STAC: variants seen among roughly 807,000 people sequenced by gnomAD.
STAC encodes the protein SH3 and cysteine-rich domain-containing protein.
A neutral mutation model predicts 48.8 loss-of-function variants in STAC; 43 were observed. The ratio of observed to expected loss-of-function variants is 0.88; its 90% CI spans 0.69 to 1.14. The LOEUF is 1.14. STAC is among the 50% of genes most tolerant of loss of function. The pLI is 0.00. For synonymous variants in STAC, 193 were observed against 179.5 expected (o/e 1.07, Z -0.60); for missense variants, 497 against 504.0 (o/e 0.99, Z 0.13).
At chr3:36,453,951 C>G (rs1377089011) in intron 2 of STAC, among the ~76,000 whole-genome samples, 1 of 152,110 alleles carries the variant, frequency 6.6e-6, no homozygotes, top group African/African-American at 2.4e-5. Context: ...CTTGGAGAAC[C>G]TTTGTGTCCA....
intron 2 of STAC, among the ~76,000 whole-genome samples, chr3:36,482,287 G>A (rs1697669967): frequency 6.6e-6 from 1 of 152,078 alleles, no homozygotes; most frequent in African/African-American, 2.4e-5. Flanking sequence ...CTCTTATTAG[G>A]CCTCCCAGTT....
chr3:36,439,570 C>A (rs1474529129), intron 1 of STAC, among the ~76,000 whole-genome samples: 1 of 152,152 alleles, frequency 6.6e-6, no homozygotes, highest in African/African-American at 2.4e-5. Context: ...CATGACAAAA[C>A]CTTGGCAGAT....
intron 1 of STAC, among the ~76,000 whole-genome samples, chr3:36,385,651 C>CGT (rs1685459081): frequency 1.3e-5 from 2 of 152,084 alleles, no homozygotes; most frequent in African/African-American, 4.8e-5. Context: ...GAATCTCTCT[C>CGT]ATACCCCTTT....
intron 2 of STAC, among the ~76,000 whole-genome samples, chr3:36,451,615 TTCC>T (rs749395921): frequency 9.9e-5 from 15 of 152,230 alleles, no homozygotes; most frequent in Non-Finnish European, 2.2e-4. Context: ...CTTCTTTTCT[TTCC>T]TTTTCATTGA....
chr3:36,530,651 A>AATGGC (rs1699043839), intron 10 of STAC, among the ~76,000 whole-genome samples: 1 of 138,264 alleles, frequency 7.2e-6, no homozygotes, highest in East Asian at 2.1e-4. Flanking sequence ...GCTGGAGTGC[A>AATGGC]ATGGCACAAT....
chr3:36,474,419 A>G (rs1157887113), intron 2 of STAC, among the ~76,000 whole-genome samples: 1 of 152,198 alleles, frequency 6.6e-6, no homozygotes, highest in Non-Finnish European at 1.5e-5. Flanking sequence ...TATCATAGAC[A>G]GTGTTGAGAG....
At chr3:36,465,387 G>T (rs935865315) in intron 2 of STAC, among the ~76,000 whole-genome samples, 1 of 152,076 alleles carries the variant, frequency 6.6e-6, no homozygotes, top group Non-Finnish European at 1.5e-5. Context: ...ACATTGTGAA[G>T]ATTTTCTCCC....
intron 1 of STAC, among the ~76,000 whole-genome samples, chr3:36,399,278 C>G (rs78004196): frequency 6.0e-4 from 91 of 152,316 alleles, no homozygotes; most frequent in African/African-American, 2.1e-3. Context: ...ACAGCACCCT[C>G]TACAGTGGGT....
At chr3:36,437,384 C>T (rs1696173274) in intron 1 of STAC, among the ~76,000 whole-genome samples, 1 of 151,658 alleles carries the variant, frequency 6.6e-6, no homozygotes, top group Non-Finnish European at 1.5e-5. Context: ...CCAAAATGTC[C>T]AACAATGTTA....
chr3:36,457,443 A>G (rs1696885030), intron 2 of STAC, among the ~76,000 whole-genome samples: 1 of 152,250 alleles, frequency 6.6e-6, no homozygotes, highest in African/African-American at 2.4e-5. Context: ...TATTAAAGCT[A>G]TCTTTATGTG....
chr3:36,414,926 G>C (rs1207753670), intron 1 of STAC, among the ~76,000 whole-genome samples: 1 of 152,214 alleles, frequency 6.6e-6, no homozygotes, highest in Non-Finnish European at 1.5e-5. Flanking sequence ...GAGTTTGCTA[G>C]AGGTCCACTC....
At chr3:36,455,403 C>T (rs1182559553) in intron 2 of STAC, among the ~76,000 whole-genome samples, 1 of 152,182 alleles carries the variant, frequency 6.6e-6, no homozygotes, top group African/African-American at 2.4e-5. Flanking sequence ...CCTTTTCCTG[C>T]CTGTGATATT....
chr3:36,386,407 GAA>G (rs33997783), intron 1 of STAC, among the ~76,000 whole-genome samples: 4 of 145,654 alleles, frequency 2.7e-5, no homozygotes, highest in South Asian at 4.3e-4. Flanking sequence ...CTTCTACACT[GAA>G]AAAAAAAAGG....
At chr3:36,455,952 T>C (rs1394156107) in intron 2 of STAC, among the ~76,000 whole-genome samples, 1 of 152,050 alleles carries the variant, frequency 6.6e-6, no homozygotes, top group Non-Finnish European at 1.5e-5. Context: ...GGGAAGAAAA[T>C]GCAGAAGCAT....
intron 1 of STAC, among the ~76,000 whole-genome samples, chr3:36,434,211 C>A (rs563075237): frequency 7.4e-4 from 113 of 152,232 alleles, no homozygotes; most frequent in African/African-American, 2.2e-3. Context: ...AGGGAGCTGG[C>A]TTCGAGAGTC....
At chr3:36,494,151 CAAAAA>C (rs751587518) in intron 6 of STAC, among the ~76,000 whole-genome samples, 4 of 56,904 alleles carry the variant, frequency 7.0e-5, no homozygotes, top group Non-Finnish European at 1.3e-4. Flanking sequence ...GACTCCGTCT[CAAAAA>C]AAAAAAAAAA....
At chr3:36,537,249 T>C (rs4384908) in intron 10 of STAC, among the ~76,000 whole-genome samples, 5,677 of 152,290 alleles carry the variant, frequency 0.037, 369 homozygotes, top group African/African-American at 0.13. Context: ...CATGCATATG[T>C]TCATTGCAGC....
At chr3:36,449,001 C>A (rs1236175226) in intron 2 of STAC, among the ~76,000 whole-genome samples, 1 of 151,750 alleles carries the variant, frequency 6.6e-6, no homozygotes. Context: ...CACCTGTAGT[C>A]TCAGCTATTC....
chr3:36,492,005 GAAAAAAAAAA>G (rs1178508885), intron 5 of STAC, among the ~76,000 whole-genome samples: 2 of 6,430 alleles, frequency 3.1e-4, no homozygotes, highest in East Asian at 8.3e-3. Context: ...TCCATCTCAA[GAAAAAAAAAA>G]AAAAAAAAAA....
Sources: gnomAD v4.1 joint callset for allele counts (sites outside exome capture counted in the v4.1 genomes callset) on GRCh38, gnomAD v4.1.1 for gene constraint, MANE v1.5 for transcripts, NCBI Gene and HGNC (gene_info 2026-07-23, HGNC 2026-07-21) for gene names.